Variants in SYNE2 observed in about 807,000 individuals in gnomAD.
SYNE2 encodes the protein nesprin-2.
A neutral mutation model predicts 856.3 loss-of-function variants in SYNE2; 431 were observed. That is an observed-to-expected ratio of 0.50 (90% CI 0.47 to 0.55). The LOEUF (loss-of-function observed/expected upper bound fraction) is 0.55, where lower values mean the gene tolerates loss of function less well. Among genes scored for constraint, SYNE2 ranks in the 20% least tolerant of loss-of-function variants. SYNE2 has a pLI of 0.00. For synonymous variants in SYNE2, 2,923 were observed against 2,872.3 expected (o/e 1.02, Z -0.56); for missense variants, 8,129 against 8,023.2 (o/e 1.01, Z -0.50).
chr14:63,983,761 A>G lies in SYNE2; in HGVS notation c.2026A>G (p.Lys676Glu), dbSNP rs78191145. 1,730 of 1,613,084 alleles carry G rather than the reference A, an allele frequency of 1.1e-3. 22 individuals carry two copies. In the African/African-American group the frequency reaches 0.021, roughly 20 times the overall value. ...QLEMNLPLMI[K>E]KQDQPTFDNS... ...GGAAATGAACCTGCCACTGATGATAAAAAAACAGGATCAGCCCACTTTTGA... is the reference window on the plus strand; with the variant it reads ...GGAAATGAACCTGCCACTGATGATAGAAAAACAGGATCAGCCCACTTTTGA... The change falls in exon 18 of 116, where the codon AAA (lysine) becomes GAA (glutamate). Residue 676 changes from lysine to glutamate, a missense_variant. This residue lies in a region of SYNE2 where 2,422 missense variants were observed against 2,357.4 expected (regional missense o/e 1.03). Coordinates refer to ENST00000555002, the MANE Select transcript of SYNE2 (RefSeq NM_182914.3).
chr14:63,993,487 T>G (rs527256706), intron 21 of SYNE2, among the ~76,000 whole-genome samples: 1 of 152,348 alleles, frequency 6.6e-6, no homozygotes, highest in Admixed American at 6.5e-5. Context: ...TAGAGGAAAC[T>G]TAGCCAGGGG....
chr14:64,183,957 G>A (rs1477201499), intron 96 of SYNE2, among the ~76,000 whole-genome samples: 1 of 138,892 alleles, frequency 7.2e-6, no homozygotes, highest in East Asian at 2.1e-4. Context: ...AAAGAAGGGA[G>A]AGGGAGGGGG....
chr14:64,194,314 A>C (rs1357303445), intron 99 of SYNE2, among the ~76,000 whole-genome samples: 1 of 143,126 alleles, frequency 7.0e-6, no homozygotes, highest in Non-Finnish European at 1.5e-5. Flanking sequence ...TTTTTTTGAG[A>C]CAAGGTCTGG....
At chr14:64,047,474 A>T (rs900615671) in intron 45 of SYNE2, among the ~76,000 whole-genome samples, 3 of 152,212 alleles carry the variant, frequency 2.0e-5, no homozygotes, top group African/African-American at 7.2e-5. Context: ...CCTAGGAATT[A>T]ACTTGTAGCT....
chr14:64,197,437 C>G (rs2098545399), intron 99 of SYNE2, among the ~76,000 whole-genome samples: 1 of 152,124 alleles, frequency 6.6e-6, no homozygotes, highest in Non-Finnish European at 1.5e-5. Context: ...GCTTCAGGAT[C>G]TTGGAGTAAT....
rs966719854 is a variant in SYNE2 at position 64,081,581 on chromosome 14, G to T, written c.11484+1G>T. ...GAGTCACCATGCTAGCACTGTGCAG[G>T]TAAGTGTTCTTCCAGGTTTTCTGCC... On this transcript the variant is annotated splice_donor_variant, in intron 57 of 115. Coordinates refer to ENST00000555002, the MANE Select transcript of SYNE2 (RefSeq NM_182914.3). LOFTEE classifies it high-confidence loss of function. The T allele has an allele frequency of 2.0e-5, 33 of 1,613,930 alleles. No individual in the cohort carries two copies. Among genetic ancestry groups the T allele is most frequent in the Non-Finnish European group, 2.8e-5 (33 of 1,179,960 alleles).
chr14:63,949,659 C>G (rs981564995), intron 6 of SYNE2, among the ~76,000 whole-genome samples, 166 bp from the exon 7 acceptor site: 2 of 152,142 alleles, frequency 1.3e-5, no homozygotes, highest in East Asian at 3.9e-4. Flanking sequence ...AGTGCAGCCC[C>G]CATGGCAGAT....
Position 64,137,861 on chromosome 14 carries a change from G to T in SYNE2, c.14721G>T (p.Ala4907=), listed in dbSNP as rs547898559. ...QTLNEGKQLV[A]SVSCPELEGQ... The stretch of plus-strand genomic sequence containing the variant: ...TGAACGAAGGCAAACAGTTGGTGGC[G>T]TCTGTGAGCTGTCCTGAATTAGAGG... Residue 4907 remains alanine, a synonymous_variant, in exon 79 of 116, where the codon GCG becomes GCT. Transcript: ENST00000555002. The T allele has an allele frequency of 3.7e-6, 6 of 1,614,100 alleles. No individual in the cohort carries two copies. The African/African-American group carries it at 6.7e-5, about 18-fold the overall frequency.
At chr14:63,771,292 G>A (rs1886899548) in intron 1 of SYNE2, among the ~76,000 whole-genome samples, 2 of 151,538 alleles carry the variant, frequency 1.3e-5, no homozygotes, top group African/African-American at 2.4e-5. Context: ...GGATGGTCTC[G>A]ATCTCTTGAC....
chr14:64,120,740 G>A (rs2097892064), intron 67 of SYNE2, among the ~76,000 whole-genome samples, 187 bp from the exon 68 acceptor site: 2 of 152,026 alleles, frequency 1.3e-5, no homozygotes, highest in African/African-American at 4.8e-5. Context: ...TCCAGCCTGG[G>A]CAACAAGTGC....
At chr14:64,140,869 CGTA>C (rs1183020013) in intron 80 of SYNE2, among the ~76,000 whole-genome samples, 4 of 151,402 alleles carry the variant, frequency 2.6e-5, no homozygotes, top group East Asian at 1.9e-4. Flanking sequence ...ATTTATGAAA[CGTA>C]GTCTTTTCTG....
rs138447839 is a variant in SYNE2 at position 64,200,169 on chromosome 14, T to C, written c.18039-2632T>C. On this transcript the variant is annotated intron_variant, in intron 99 of 115. Coordinates refer to ENST00000555002, the MANE Select transcript of SYNE2 (RefSeq NM_182914.3). ...GAGGAAACAAGGAAAAAGAAAAATA[T>C]ATATAAATAAATACTTGGATTCTAG... Among the ~76,000 whole-genome samples the C allele has an allele frequency of 3.0e-3, 455 of 152,312 alleles. 2 individuals carry two copies. The highest frequency in any genetic ancestry group is 9.3e-3 in the South Asian group (45 of 4,820).
chr14:64,002,162 A>T lies in SYNE2; in HGVS notation c.3786+81A>T. The stretch of plus-strand genomic sequence containing the variant: ...TATAAATCCTTATGGATTTTTAATT[A>T]TTCATGATAGCATAGATTAAGAGTA... On this transcript the variant is annotated intron_variant, in intron 29 of 115. Coordinates refer to ENST00000555002, the MANE Select transcript of SYNE2 (RefSeq NM_182914.3). 4 of 1,166,742 alleles carry T rather than the reference A, an allele frequency of 3.4e-6. 1 individual carries two copies. In the South Asian group the frequency reaches 3.7e-5, roughly 11 times the overall value. 72.3% of individuals were successfully genotyped at this position (1,166,742 alleles called of 1,614,324 possible). A position where few individuals can be genotyped will look rare whatever the true frequency, so the allele number is the denominator to read the frequency against.
At chr14:64,221,104 T>C (rs1008236254) in intron 111 of SYNE2, among the ~76,000 whole-genome samples, 9 of 151,952 alleles carry the variant, frequency 5.9e-5, no homozygotes, top group African/African-American at 1.7e-4. Context: ...TTTTTAGGAG[T>C]AAATGAGGCA....
At chr14:63,787,167 T>C (rs1473489978) in intron 1 of SYNE2, among the ~76,000 whole-genome samples, 1 of 152,214 alleles carries the variant, frequency 6.6e-6, no homozygotes, top group Non-Finnish European at 1.5e-5. Context: ...ATCTCAAATA[T>C]TTATCATTTC....
chr14:63,946,901 G>A (rs1324425698), intron 6 of SYNE2, among the ~76,000 whole-genome samples: 3 of 151,792 alleles, frequency 2.0e-5, no homozygotes, highest in African/African-American at 7.3e-5. Flanking sequence ...CCAGGCTGGA[G>A]TGCAGTGGCA....
chr14:64,183,046 G>A (rs1170751437), intron 96 of SYNE2, among the ~76,000 whole-genome samples: 21 of 149,934 alleles, frequency 1.4e-4, no homozygotes, highest in African/African-American at 5.2e-4. Flanking sequence ...GGACGGGGCG[G>A]CTGCTGGGCG....
At chr14:64,021,581 G>A (rs778828679) in intron 36 of SYNE2, 66 bp downstream of exon 36, 145 of 1,578,078 alleles carry the variant, frequency 9.2e-5, no homozygotes, top group Middle Eastern at 5.4e-4. Context: ...GTTGTCTTGA[G>A]CTCTTAGAGT....
chr14:64,175,282 TTA>T, intron 95 of SYNE2, 144 bp downstream of exon 95: 1 of 871,798 alleles, frequency 1.1e-6, no homozygotes, highest in Non-Finnish European at 1.8e-6. Context: ...GTCATGCCAG[TTA>T]CTTAATGTGA....
Sources: gnomAD v4.1 joint callset for allele counts (sites outside exome capture counted in the v4.1 genomes callset) on GRCh38, gnomAD v4.1.1 for gene constraint, gnomAD v4.1.1 regional missense constraint, MANE v1.5 for transcripts, NCBI Gene and HGNC (gene_info 2026-07-23, HGNC 2026-07-21) for gene names.